EPAS1: variants seen among roughly 807,000 people sequenced by gnomAD.
EPAS1 encodes the protein endothelial PAS domain-containing protein 1.
In EPAS1, 23 loss-of-function variants were observed where a neutral mutation model predicts 87.9. The ratio of observed to expected loss-of-function variants is 0.26; its 90% CI spans 0.19 to 0.37. EPAS1 has a LOEUF of 0.37. EPAS1 is among the 10% of genes least tolerant of loss of function. The probability of loss-of-function intolerance (pLI) is 1.00; values close to 1 mark genes in which losing one functional copy is unlikely to be tolerated. For missense variants in EPAS1, 1,138 were observed against 1,120.7 expected, an observed-to-expected ratio of 1.02 and a Z score of -0.22; for synonymous variants, 508 against 444.3, an observed-to-expected ratio of 1.14 and a Z score of -1.80.
rs577369027 is a variant in EPAS1 at position 46,302,549 on chromosome 2, C to T, written c.26+4612C>T. Reference sequence around the variant, plus strand: ...CCTAGTACTCTGTACTTCCACCCCTCTCCCCACCAGTACCATGCTGCCTGT... The same window carrying T: ...CCTAGTACTCTGTACTTCCACCCCTTTCCCCACCAGTACCATGCTGCCTGT... On this transcript the variant is annotated intron_variant, in intron 1 of 15. Transcript: ENST00000263734. 1.9e-4 allele frequency among the ~76,000 whole-genome samples: 29 copies of T among 152,212 alleles called. No individual in the cohort carries two copies. In the South Asian group the frequency reaches 5.8e-3, roughly 31 times the overall value.
intron 1 of EPAS1, among the ~76,000 whole-genome samples, chr2:46,313,289 T>A (rs1683249196): frequency 6.6e-6 from 1 of 152,122 alleles, no homozygotes; most frequent in Admixed American, 6.5e-5. Context: ...TGCTCATCCC[T>A]CAGCCCCACC....
rs2103664406 is a variant in EPAS1 at position 46,376,623 on chromosome 2, C to A, written c.1119C>A (p.Ile373=). 1 of 1,614,162 alleles carries A rather than the reference C, an allele frequency of 6.2e-7. No homozygotes were observed. The highest frequency in any genetic ancestry group is 1.3e-5 in the African/African-American group (1 of 75,016). The change falls in exon 9 of 16, where the codon ATC becomes ATA. Residue 373 remains isoleucine (I), a synonymous_variant. Transcript: ENST00000263734. ...CCCACCTGATGGCCATGAACAGCAT[C>A]TTTGATAGCAGTGGCAAGGGGGCTG... ...FKPHLMAMNS[I]FDSSGKGAVS...
chr2:46,329,620 G>A (rs909168758), intron 1 of EPAS1, among the ~76,000 whole-genome samples: 2 of 152,188 alleles, frequency 1.3e-5, no homozygotes, highest in Non-Finnish European at 2.9e-5. Flanking sequence ...TCAGGAGTCC[G>A]AGACTAGCCT....
chr2:46,307,045 TC>T (rs1309380945), intron 1 of EPAS1, among the ~76,000 whole-genome samples: 1 of 152,236 alleles, frequency 6.6e-6, no homozygotes, highest in East Asian at 1.9e-4. Context: ...AATGCCCCTT[TC>T]CTGTGTATTT....
At chr2:46,345,206 C>T (rs1407683648) in intron 1 of EPAS1, among the ~76,000 whole-genome samples, 1 of 152,136 alleles carries the variant, frequency 6.6e-6, no homozygotes, top group Admixed American at 6.5e-5. Context: ...TCTTGAACTC[C>T]TGGGCCCAGG....
chr2:46,314,714 C>T (rs982176520), intron 1 of EPAS1, among the ~76,000 whole-genome samples: 34 of 152,144 alleles, frequency 2.2e-4, no homozygotes, highest in East Asian at 7.7e-4. Flanking sequence ...GGAAGGTGGA[C>T]GATTAAAGAT....
At chr2:46,350,640 C>G (rs775990660) in intron 2 of EPAS1, among the ~76,000 whole-genome samples, 2 of 152,234 alleles carry the variant, frequency 1.3e-5, no homozygotes, top group Non-Finnish European at 2.9e-5. Context: ...AAGATGAGCC[C>G]CACAAACCAT....
chr2:46,371,828 A>G lies in EPAS1; in HGVS notation c.886+1895A>G, dbSNP rs1488189279. Among the ~76,000 whole-genome samples the G allele has an allele frequency of 6.6e-6, 1 of 152,222 alleles. No homozygotes were observed. Among genetic ancestry groups the G allele is most frequent in the African/African-American group, 2.4e-5 (1 of 41,464 alleles). On this transcript the variant is annotated intron_variant, in intron 7 of 15. Transcript: ENST00000263734. This position sits in a 1 kb window ranked among gnomAD's most constrained non-coding sequence, Gnocchi z 4.3. ...AAAAGTCTAGCCTTCCTTCCAAGCT[A>G]AGGGTGAAGCCAAGGCAAGAGACAA...
intron 1 of EPAS1, among the ~76,000 whole-genome samples, chr2:46,299,769 A>G (rs1265983205): frequency 6.6e-6 from 1 of 152,056 alleles, no homozygotes; most frequent in African/African-American, 2.4e-5. Flanking sequence ...GGAGCAGGGG[A>G]AAAATGATTT....
Position 46,386,015 on chromosome 2 carries a change from G to C in EPAS1, c.*1355G>C, listed in dbSNP as rs1444945216. ...GCACAGCGGGAGAGCAGCTGGTCCA[G>C]ACCAGCCCTGCAGCCCCCACTCAGC... On this transcript the variant is annotated 3_prime_UTR_variant, in exon 16 of 16. Transcript: ENST00000263734. 1 of 152,700 alleles carries C rather than the reference G, an allele frequency of 6.5e-6. No individual in the cohort carries two copies. The highest frequency in any genetic ancestry group is 1.5e-5 in the Non-Finnish European group (1 of 68,092). The allele number at this position is 152,700 out of a possible 1,614,324, so 9.5% of individuals were successfully genotyped here. A position where few individuals can be genotyped will look rare whatever the true frequency, so the allele number is the denominator to read the frequency against.
At chr2:46,324,939 A>G (rs1473399146) in intron 1 of EPAS1, among the ~76,000 whole-genome samples, 2 of 152,236 alleles carry the variant, frequency 1.3e-5, no homozygotes, top group Non-Finnish European at 2.9e-5. Flanking sequence ...GGCTTTTGCT[A>G]TACTGTTGGA....
chr2:46,333,162 C>G (rs936478731), intron 1 of EPAS1, among the ~76,000 whole-genome samples: 1 of 152,186 alleles, frequency 6.6e-6, no homozygotes, highest in East Asian at 1.9e-4. Context: ...AATCCACTTT[C>G]TACTGGAAGC....
chr2:46,324,969 T>TA (rs1558587715), intron 1 of EPAS1, among the ~76,000 whole-genome samples: 2 of 152,218 alleles, frequency 1.3e-5, no homozygotes, highest in African/African-American at 4.8e-5. Context: ...TCCCCATTGA[T>TA]AGAGATGTTG....
At chr2:46,357,620 A>C (rs1039957373) in intron 4 of EPAS1, among the ~76,000 whole-genome samples, 3 of 152,172 alleles carry the variant, frequency 2.0e-5, no homozygotes, top group Non-Finnish European at 4.4e-5. Flanking sequence ...TTGTGGGAGG[A>C]AACTACACGA....
chr2:46,377,263 C>T (rs1684774134), intron 9 of EPAS1, among the ~76,000 whole-genome samples: 3 of 152,244 alleles, frequency 2.0e-5, no homozygotes, highest in African/African-American at 7.2e-5. Flanking sequence ...ATTAAAGTGT[C>T]TGCCTGTCCC....
intron 1 of EPAS1, among the ~76,000 whole-genome samples, chr2:46,301,578 G>GAA (rs3053642): frequency 1.6e-5 from 2 of 124,164 alleles, no homozygotes; most frequent in Non-Finnish European, 3.4e-5. Context: ...CCGTCTCAAA[G>GAA]AAAAAAAAAA....
rs1231508895 is a variant in EPAS1, at chr2:46,301,040, T to A, written c.26+3103T>A. On this transcript the variant is annotated intron_variant, in intron 1 of 15. Transcript: ENST00000263734. ...CCATTGTATTACCAGCAGCGCAGGA[T>A]GATACAGAATTGATGTAACACATTG... 3.3e-5 allele frequency among the ~76,000 whole-genome samples: 5 copies of A among 152,370 alleles called. No homozygotes were observed. In the East Asian group the frequency reaches 9.6e-4, roughly 29 times the overall value.
At position 46,375,183 on chromosome 2, in the gene EPAS1, AAAAAAAC is replaced by A. The variant is rs1439796060; in HGVS notation, c.887-500_887-494del. Among the ~76,000 whole-genome samples the A allele has an allele frequency of 5.1e-5, 7 of 138,220 alleles. No individual in the cohort carries two copies. The highest frequency in any genetic ancestry group is 8.0e-5 in the Non-Finnish European group (5 of 62,288). 90.7% of individuals were successfully genotyped at this position (138,220 alleles called of 152,430 possible). A position where few individuals can be genotyped will look rare whatever the true frequency, so the allele number is the denominator to read the frequency against. ...GTATTGGTGGTGGGTCTGCTGAAAAAAAAAAACAAAAAAAAACAAAAAAAACTGCCCT... is the reference window on the plus strand; with the variant it reads ...GTATTGGTGGTGGGTCTGCTGAAAAAAAAAAAAAACAAAAAAAACTGCCCT... On this transcript the variant is annotated intron_variant, in intron 7 of 15. Coordinates refer to ENST00000263734, the MANE Select transcript of EPAS1 (RefSeq NM_001430.5). The surrounding 1 kb of genome is among the most constrained non-coding windows in gnomAD (Gnocchi z 4.1).
At chr2:46,364,787 A>G (rs141428616) in intron 6 of EPAS1, among the ~76,000 whole-genome samples, 181 of 152,344 alleles carry the variant, frequency 1.2e-3, no homozygotes, top group African/African-American at 4.0e-3. Flanking sequence ...CGACTCAAAC[A>G]TAGGCAATAT....
Sources: gnomAD v4.1 joint callset for allele counts (sites outside exome capture counted in the v4.1 genomes callset) on GRCh38, gnomAD v4.1.1 for gene constraint, Gnocchi (gnomAD v3.1) non-coding constraint, MANE v1.5 for transcripts, NCBI Gene and HGNC (gene_info 2026-07-23, HGNC 2026-07-21) for gene names.